TDRD9: variants seen among roughly 807,000 people sequenced by gnomAD.
TDRD9 encodes tudor domain containing 9, also known as ATP-dependent RNA helicase TDRD9.
TDRD9 carries 124 observed loss-of-function variants against 172.6 expected under a neutral mutation model. The observed-to-expected ratio is 0.72, with a 90% CI of 0.62 to 0.83. The LOEUF is 0.83. Ranked by LOEUF, TDRD9 falls within the 40% of genes least tolerant of loss-of-function variation. The probability of loss-of-function intolerance (pLI) is 0.00; values close to 1 mark genes in which losing one functional copy is unlikely to be tolerated. For missense variants in TDRD9, 1,479 were observed against 1,714.1 expected, an observed-to-expected ratio of 0.86 and a Z score of 2.42; for synonymous variants, 619 against 617.1, an observed-to-expected ratio of 1.00 and a Z score of -0.05.
chr14:103,988,039 T>G (rs1405389480), intron 8 of TDRD9, among the ~76,000 whole-genome samples: 4 of 152,222 alleles, frequency 2.6e-5, no homozygotes, highest in Non-Finnish European at 4.4e-5. Context: ...AAGACCTATT[T>G]TGTGTATTAG....
chr14:103,984,547 A>G (rs1368399331), intron 7 of TDRD9, among the ~76,000 whole-genome samples: 1 of 152,218 alleles, frequency 6.6e-6, no homozygotes, highest in African/African-American at 2.4e-5. Flanking sequence ...ACAGAAGTCA[A>G]GAATTGGGGT....
intron 29 of TDRD9, 149 bp from the exon 30 acceptor site, chr14:104,031,868 G>T: frequency 1.9e-6 from 1 of 520,890 alleles, no homozygotes. Context: ...CTTCTTTAAG[G>T]CACTTTTTCT....
At chr14:103,968,455 A>AAT in intron 5 of TDRD9, among the ~76,000 whole-genome samples, 1 of 152,312 alleles carries the variant, frequency 6.6e-6, no homozygotes, top group Middle Eastern at 3.4e-3. Flanking sequence ...AGCCAGTTTA[A>AAT]AATGGAATAA....
chr14:104,005,500 A>C, intron 15 of TDRD9, 95 bp downstream of exon 15: 4 of 1,320,316 alleles, frequency 3.0e-6, no homozygotes, highest in East Asian at 2.5e-5. Flanking sequence ...ACTAACTCTG[A>C]TCCTCCCGCC....
intron 13 of TDRD9, among the ~76,000 whole-genome samples, chr14:104,003,025 T>A (rs2034314135): frequency 6.6e-6 from 1 of 152,076 alleles, no homozygotes; most frequent in Non-Finnish European, 1.5e-5. Context: ...TAAACTTAAT[T>A]TAACAACTTT....
chr14:104,001,623 G>A (rs1020214130), intron 13 of TDRD9, among the ~76,000 whole-genome samples: 1 of 151,994 alleles, frequency 6.6e-6, no homozygotes, highest in African/African-American at 2.4e-5. Context: ...CTTTTGTTTT[G>A]TTTTGACACG....
intron 8 of TDRD9, among the ~76,000 whole-genome samples, chr14:103,990,010 C>G (rs2033810483): frequency 6.6e-6 from 1 of 152,240 alleles, no homozygotes; most frequent in Admixed American, 6.5e-5. Flanking sequence ...TAGCCTCTGC[C>G]TATTGATTGG....
rs760340664 is a variant in TDRD9 at position 104,014,809 on chromosome 14, G to T, written c.2191G>T (p.Glu731Ter). The stretch of plus-strand genomic sequence containing the variant: ...TTCTCGGCGACCTGTCATGGACCAA[G>T]AGTATATATATAAGCAGCGATTCAT... ...VDSRRPVMDQ[E>*]YIYKQRFILQ... Residue 731 changes from glutamate to a stop codon, truncating the protein, a stop_gained, in exon 21 of 36, where the codon GAG (glutamate) becomes TAG (stop). Coordinates refer to ENST00000409874, the MANE Select transcript of TDRD9 (RefSeq NM_153046.3). LOFTEE classifies it high-confidence loss of function. 6.2e-7 allele frequency: 1 copy of T among 1,610,904 alleles called. No individual in the cohort carries two copies. Among genetic ancestry groups the T allele is most frequent in the Non-Finnish European group, 8.5e-7 (1 of 1,178,158 alleles).
intron 24 of TDRD9, among the ~76,000 whole-genome samples, chr14:104,022,877 C>A (rs2152241148): frequency 6.6e-6 from 1 of 151,886 alleles, no homozygotes; most frequent in South Asian, 2.1e-4. Flanking sequence ...AGTTTTTTTT[C>A]TGTTTAATAG....
intron 31 of TDRD9, among the ~76,000 whole-genome samples, chr14:104,034,735 C>A (rs941504665): frequency 4.6e-5 from 7 of 152,152 alleles, no homozygotes; most frequent in African/African-American, 1.7e-4. Flanking sequence ...GGAGTTATCC[C>A]CAAGTGGGGT....
chr14:104,042,145 G>A lies in TDRD9; in HGVS notation c.3932G>A (p.Arg1311Lys). The A allele has an allele frequency of 1.2e-6, 2 of 1,613,706 alleles. No individual in the cohort carries two copies. Among genetic ancestry groups the A allele is most frequent in the Non-Finnish European group, 1.7e-6 (2 of 1,179,600 alleles). Residue 1311 changes from arginine (R) to lysine (K), a missense_variant, in exon 34 of 36, where the codon AGA (arginine) becomes AAA (lysine). Arg to Lys is a conservative substitution (Grantham distance 26, BLOSUM62 2). This residue lies in a region of TDRD9 where 1,413 missense variants were observed against 1,649.1 expected (regional missense o/e 0.86). Coordinates refer to ENST00000409874, the MANE Select transcript of TDRD9 (RefSeq NM_153046.3). Reference protein sequence around the residue: ...PNGCKCLGPERVAQLQDIARQ... With the variant: ...PNGCKCLGPEKVAQLQDIARQ... ...GGATGCAAGTGTCTTGGGCCAGAGA[G>A]AGTTGCGCAGCTTCAAGACATTGCC...
At chr14:104,051,692 C>T (rs1257932911) in intron 35 of TDRD9, among the ~76,000 whole-genome samples, 1 of 152,184 alleles carries the variant, frequency 6.6e-6, no homozygotes, top group Non-Finnish European at 1.5e-5. Context: ...TTGCACTTCT[C>T]TGATGATTAC....
chr14:104,016,196 T>A (rs1227129106), intron 22 of TDRD9, 108 bp downstream of exon 22: 4 of 766,900 alleles, frequency 5.2e-6, no homozygotes, highest in Admixed American at 2.6e-5. Flanking sequence ...TCCCCTGGCG[T>A]GAATATTAGG....
chr14:104,046,528 A>G (rs534697487), intron 34 of TDRD9, among the ~76,000 whole-genome samples: 11 of 152,374 alleles, frequency 7.2e-5, no homozygotes, highest in African/African-American at 2.6e-4. Flanking sequence ...TGAATTGGCC[A>G]TAAATGTAAA....
At chr14:104,009,222 C>A (rs543872834) in intron 20 of TDRD9, among the ~76,000 whole-genome samples, 6 of 152,050 alleles carry the variant, frequency 3.9e-5, no homozygotes, top group Non-Finnish European at 7.4e-5. Context: ...AGAAAAGGTG[C>A]GGTAAAAATA....
At chr14:103,932,626 A>G (rs8006215) in intron 1 of TDRD9, among the ~76,000 whole-genome samples, 2,464 of 151,610 alleles carry the variant, frequency 0.016, 69 homozygotes, top group African/African-American at 0.057. Flanking sequence ...TGGCCTCGTG[A>G]TCTGCCTGCC....
In TDRD9 at chr14:103,994,343, A is replaced by G; in HGVS notation, c.1192A>G (p.Ile398Val). ...VLVFLPGLGE[I>V]NYMHELLTSL... The stretch of plus-strand genomic sequence containing the variant: ...TTTTTCTTCCCTAGGTCTGGGTGAA[A>G]TAAATTATATGCATGAACTTCTCAC... The change falls in exon 10 of 36, where the codon ATA becomes GTA. Residue 398 changes from isoleucine (I) to valine (V), a missense_variant. By Grantham distance (29) the Ile-to-Val change is conservative (BLOSUM62 3). This residue lies in a region of TDRD9 where 1,413 missense variants were observed against 1,649.1 expected (regional missense o/e 0.86). Coordinates refer to ENST00000409874, the MANE Select transcript of TDRD9 (RefSeq NM_153046.3). 1.2e-6 allele frequency: 2 copies of G among 1,613,678 alleles called. No individual in the cohort carries two copies. The highest frequency in any genetic ancestry group is 1.3e-5 in the African/African-American group (1 of 75,052).
chr14:104,045,724 T>C lies in TDRD9; in HGVS notation c.3974+3537T>C, dbSNP rs937481714. On this transcript the variant is annotated intron_variant, in intron 34 of 35. Coordinates refer to ENST00000409874, the MANE Select transcript of TDRD9 (RefSeq NM_153046.3). ...TGTCATCATTGTGAGAGAGGGTTAG[T>C]TATCAAGAGAGTATGGATTGTTGTA... Among the ~76,000 whole-genome samples, 3 of 152,134 alleles carry C rather than the reference T, an allele frequency of 2.0e-5. No homozygotes were observed. The East Asian group carries it at 5.8e-4, about 29-fold the overall frequency.
At chr14:104,002,417 GGTT>G (rs1265705495) in intron 13 of TDRD9, among the ~76,000 whole-genome samples, 1 of 152,156 alleles carries the variant, frequency 6.6e-6, no homozygotes, top group East Asian at 1.9e-4. Context: ...AACTGGAAGA[GGTT>G]TAGAGAGACT....
Sources: allele counts gnomAD v4.1 joint callset (sites outside exome capture counted in the v4.1 genomes callset), GRCh38; gene constraint gnomAD v4.1.1; regional missense constraint gnomAD v4.1.1; transcripts MANE v1.5; gene names NCBI Gene and HGNC (gene_info 2026-07-23, HGNC 2026-07-21).